Variants in ECD observed in about 807,000 individuals in gnomAD.
ECD encodes the protein protein ecdysoneless homolog.
A neutral mutation model predicts 77.2 loss-of-function variants in ECD; 59 were observed. That is an observed-to-expected ratio of 0.76 (90% CI 0.62 to 0.95). The LOEUF is 0.95. ECD is among the 40% of genes least tolerant of loss of function. The probability of loss-of-function intolerance (pLI) is 0.00; values close to 1 mark genes in which losing one functional copy is unlikely to be tolerated. For missense variants in ECD, 704 were observed against 763.4 expected (o/e 0.92, Z 0.92); for synonymous variants, 233 against 267.4 (o/e 0.87, Z 1.26).
At chr10:73,141,422 G>T in intron 9 of ECD, 1 of 164,062 alleles carries the variant, frequency 6.1e-6, no homozygotes. Flanking sequence ...TGAGGCAGAT[G>T]AATGGCGTGA....
At chr10:73,167,662 C>T (rs970657874) in intron 1 of ECD, among the ~76,000 whole-genome samples, 1 of 152,204 alleles carries the variant, frequency 6.6e-6, no homozygotes, top group Non-Finnish European at 1.5e-5. Context: ...TAACGCCAAA[C>T]ACACGTCATC....
In ECD at chr10:73,133,805, CAATT is replaced by C. The variant is rs1167374820; in HGVS notation, c.*774_*777del. 2.0e-5 allele frequency: 3 copies of C among 151,710 alleles called. No homozygotes were observed. Among genetic ancestry groups the C allele is most frequent in the African/African-American group, 4.9e-5 (2 of 41,232 alleles). The allele number at this position is 151,710 out of a possible 1,614,324, so 9.4% of individuals were successfully genotyped here. ...ATATCAGTTATATTAAATATCAAAC[CAATT>C]AATTAATTAAAACAATTAAGTACAG... On this transcript the variant is annotated 3_prime_UTR_variant, in exon 14 of 14. Coordinates refer to ENST00000372979, the MANE Select transcript of ECD (RefSeq NM_007265.3).
intron 3 of ECD, among the ~76,000 whole-genome samples, chr10:73,157,377 T>A (rs1210271803): frequency 1.3e-5 from 2 of 151,776 alleles, no homozygotes; most frequent in South Asian, 2.1e-4. Context: ...TTTAATTTTT[T>A]AAAATAGGTT....
rs962926278 is a variant in ECD at position 73,154,241 on chromosome 10, A to C, written c.783+15T>G. 4 of 1,571,634 alleles carry C rather than the reference A, an allele frequency of 2.5e-6. No individual in the cohort carries two copies. Among genetic ancestry groups the C allele is most frequent in the Non-Finnish European group, 3.5e-6 (4 of 1,159,202 alleles). On this transcript the variant is annotated intron_variant, in intron 6 of 13. Coordinates refer to ENST00000372979, the MANE Select transcript of ECD (RefSeq NM_007265.3). Reference sequence around the variant, plus strand: ...TCCAGTAAGAGAAACTAAATGACCAAGATAGAAATCTCACCGATGTCATTA... The same window carrying C: ...TCCAGTAAGAGAAACTAAATGACCACGATAGAAATCTCACCGATGTCATTA...
At chr10:73,157,371 A>G (rs1843309930) in intron 3 of ECD, among the ~76,000 whole-genome samples, 1 of 151,564 alleles carries the variant, frequency 6.6e-6, no homozygotes, top group African/African-American at 2.4e-5. Context: ...TTTAAATTTA[A>G]TTTTTTAAAA....
chr10:73,134,943 G>A, intron 13 of ECD, 130 bp from the exon 14 acceptor site: 1 of 771,090 alleles, frequency 1.3e-6, no homozygotes, highest in African/African-American at 1.8e-5. Context: ...TCTTATCCTT[G>A]GTGATATAAA....
chr10:73,139,847 GTGTTTT>G, intron 9 of ECD, 110 bp from the exon 10 acceptor site: 1 of 500,490 alleles, frequency 2.0e-6, no homozygotes, highest in South Asian at 3.5e-5. Flanking sequence ...AATTTGGGGA[GTGTTTT>G]TTTTTTTTTT....
At chr10:73,157,835 C>T (rs966228277) in intron 3 of ECD, among the ~76,000 whole-genome samples, 1 of 152,092 alleles carries the variant, frequency 6.6e-6, no homozygotes, top group African/African-American at 2.4e-5. Context: ...AGTTTGCTTA[C>T]ACATAATCTA....
intron 8 of ECD, among the ~76,000 whole-genome samples, chr10:73,147,892 A>C (rs779984004): frequency 5.9e-5 from 9 of 152,124 alleles, no homozygotes; most frequent in Non-Finnish European, 1.0e-4. Context: ...ATATATATAT[A>C]TATCTTTACT....
rs779752487 is a variant in ECD at position 73,134,578 on chromosome 10, G to C, written c.*5C>G. On this transcript the variant is annotated 3_prime_UTR_variant, in exon 14 of 14. Coordinates refer to ENST00000372979, the MANE Select transcript of ECD (RefSeq NM_007265.3). ...AAAAGAAAAAAGAGAAGCTAAATGTGCTGGTTAATTTTTTGTTGGCTTACT... is the reference window on the plus strand; with the variant it reads ...AAAAGAAAAAAGAGAAGCTAAATGTCCTGGTTAATTTTTTGTTGGCTTACT... 5 of 1,609,408 alleles carry C rather than the reference G, an allele frequency of 3.1e-6. No homozygotes were observed. The African/African-American group carries it at 5.3e-5, about 17-fold the overall frequency.
intron 11 of ECD, among the ~76,000 whole-genome samples, chr10:73,138,714 G>A (rs1046792777): frequency 6.6e-6 from 1 of 152,018 alleles, no homozygotes; most frequent in Admixed American, 6.6e-5. Flanking sequence ...TTATAGGCGT[G>A]CGCCACCATA....
At chr10:73,161,723 A>C (rs1843383803) in intron 2 of ECD, among the ~76,000 whole-genome samples, 1 of 152,240 alleles carries the variant, frequency 6.6e-6, no homozygotes, top group African/African-American at 2.4e-5. Flanking sequence ...AGCCAGACAA[A>C]GACAATATGA....
chr10:73,156,224 C>G (rs377536975), intron 5 of ECD, 51 bp downstream of exon 5: 1 of 1,500,888 alleles, frequency 6.7e-7, no homozygotes, highest in South Asian at 1.4e-5. Flanking sequence ...GACTGAACTA[C>G]ACGAAACCAA....
At chr10:73,137,420 A>G (rs1391653667) in intron 12 of ECD, among the ~76,000 whole-genome samples, 2 of 152,166 alleles carry the variant, frequency 1.3e-5, no homozygotes, top group African/African-American at 4.8e-5. Flanking sequence ...CCAAAAAAGA[A>G]CAATATAATA....
intron 6 of ECD, 62 bp from the exon 7 acceptor site, chr10:73,152,483 T>A: frequency 6.4e-7 from 1 of 1,560,198 alleles, no homozygotes; most frequent in Middle Eastern, 1.7e-4. Context: ...GAATAACACT[T>A]CACAGTTAAA....
At chr10:73,137,616 A>C (rs1350840243) in intron 12 of ECD, among the ~76,000 whole-genome samples, 2 of 152,132 alleles carry the variant, frequency 1.3e-5, no homozygotes, top group Non-Finnish European at 2.9e-5. Flanking sequence ...TCTACTAAAA[A>C]TACAAAAAAA....
intron 2 of ECD, 44 bp from the exon 3 acceptor site, chr10:73,160,595 T>C (rs1302498426): frequency 7.3e-7 from 1 of 1,378,790 alleles, no homozygotes. Context: ...ATAAATTTGT[T>C]ACTGCAAATA....
intron 9 of ECD, among the ~76,000 whole-genome samples, chr10:73,142,674 T>C (rs1265710137): frequency 2.0e-5 from 3 of 151,826 alleles, no homozygotes; most frequent in African/African-American, 7.3e-5. Flanking sequence ...AAAGCTAATG[T>C]TTCCTTTGAT....
chr10:73,160,895 T>C (rs1010733764), intron 2 of ECD, among the ~76,000 whole-genome samples: 1 of 152,308 alleles, frequency 6.6e-6, no homozygotes, highest in East Asian at 1.9e-4. Context: ...AGAGGCATGA[T>C]GTATAGAGTA....
Sources: gnomAD v4.1 joint callset for allele counts (sites outside exome capture counted in the v4.1 genomes callset) on GRCh38, gnomAD v4.1.1 for gene constraint, MANE v1.5 for transcripts, NCBI Gene and HGNC (gene_info 2026-07-23, HGNC 2026-07-21) for gene names.